Variants in GBE1 observed in about 807,000 individuals in gnomAD.
GBE1 encodes 1,4-alpha-glucan branching enzyme 1, also known as 1,4-alpha-glucan-branching enzyme.
A neutral mutation model predicts 88.8 loss-of-function variants in GBE1; 70 were observed. The observed-to-expected ratio is 0.79, with a 90% CI of 0.65 to 0.96. The LOEUF (loss-of-function observed/expected upper bound fraction) is 0.96, where lower values mean the gene tolerates loss of function less well. GBE1 is among the 40% of genes least tolerant of loss of function. The probability of loss-of-function intolerance (pLI) is 0.00; values close to 1 mark genes in which losing one functional copy is unlikely to be tolerated. For missense variants in GBE1, 872 were observed against 871.0 expected, an observed-to-expected ratio of 1.00 and a Z score of -0.01; for synonymous variants, 284 against 300.1, an observed-to-expected ratio of 0.95 and a Z score of 0.56.
chr3:81,707,600 ATAT>A (rs1413938829), intron 1 of GBE1, among the ~76,000 whole-genome samples: 1 of 151,976 alleles, frequency 6.6e-6, no homozygotes, highest in African/African-American at 2.4e-5. Context: ...CAAAGTAAAA[ATAT>A]TATATTAAAA....
intron 3 of GBE1, among the ~76,000 whole-genome samples, chr3:81,655,826 G>T (rs1293054586): frequency 6.6e-6 from 1 of 152,068 alleles, no homozygotes; most frequent in Non-Finnish European, 1.5e-5. Flanking sequence ...AGCCAAATGT[G>T]TGTTTTTAAT....
At chr3:81,674,834 T>C (rs954533354) in intron 2 of GBE1, among the ~76,000 whole-genome samples, 2 of 151,944 alleles carry the variant, frequency 1.3e-5, no homozygotes, top group East Asian at 1.9e-4. Flanking sequence ...TGCAAAGAGT[T>C]TGCATTGCTA....
chr3:81,726,743 G>A (rs576058832), intron 1 of GBE1, among the ~76,000 whole-genome samples: 1 of 151,886 alleles, frequency 6.6e-6, no homozygotes, highest in Non-Finnish European at 1.5e-5. Flanking sequence ...CACCATGCCT[G>A]GCTAATTTTT....
intron 7 of GBE1, among the ~76,000 whole-genome samples, chr3:81,594,533 T>G (rs2106958039): frequency 6.6e-6 from 1 of 152,128 alleles, no homozygotes; most frequent in East Asian, 1.9e-4. Context: ...TATTTCCTCA[T>G]GCTACAATTT....
At chr3:81,503,808 T>A (rs947761006) in intron 14 of GBE1, among the ~76,000 whole-genome samples, 1 of 152,192 alleles carries the variant, frequency 6.6e-6, no homozygotes, top group Non-Finnish European at 1.5e-5. Flanking sequence ...TCTTGTTTAT[T>A]TCTCAGGTTG....
chr3:81,547,556 A>T (rs2106888094), intron 12 of GBE1, among the ~76,000 whole-genome samples: 1 of 151,098 alleles, frequency 6.6e-6, no homozygotes, highest in African/African-American at 2.4e-5. Context: ...AGGGCAAGGG[A>T]ACCCAGAAGC....
intron 7 of GBE1, among the ~76,000 whole-genome samples, chr3:81,619,431 T>A (rs1279659380): frequency 2.0e-5 from 3 of 152,134 alleles, no homozygotes; most frequent in Non-Finnish European, 4.4e-5. Flanking sequence ...ATATTAAGGG[T>A]ACAACTATAG....
At chr3:81,557,974 C>T (rs1703369830) in intron 12 of GBE1, among the ~76,000 whole-genome samples, 1 of 151,936 alleles carries the variant, frequency 6.6e-6, no homozygotes, top group Non-Finnish European at 1.5e-5. Context: ...ATCTTGGAAA[C>T]CAAAGTTCCT....
At chr3:81,663,751 C>T (rs1391501132) in intron 3 of GBE1, among the ~76,000 whole-genome samples, 1 of 152,166 alleles carries the variant, frequency 6.6e-6, no homozygotes, top group Non-Finnish European at 1.5e-5. Context: ...AACATTCACC[C>T]CCAGGCACTG....
intron 1 of GBE1, among the ~76,000 whole-genome samples, chr3:81,754,030 C>T (rs1477548786): frequency 6.6e-6 from 1 of 152,120 alleles, no homozygotes; most frequent in African/African-American, 2.4e-5. Context: ...GCCTTGTTTG[C>T]AGACAACATG....
At chr3:81,528,651 T>C (rs1171682111) in intron 14 of GBE1, among the ~76,000 whole-genome samples, 1 of 152,074 alleles carries the variant, frequency 6.6e-6, no homozygotes, top group Non-Finnish European at 1.5e-5. Flanking sequence ...TTTATATATA[T>C]GGATGCTCCA....
intron 2 of GBE1, among the ~76,000 whole-genome samples, chr3:81,685,619 C>T (rs558760362): frequency 2.8e-4 from 43 of 152,134 alleles, no homozygotes; most frequent in Non-Finnish European, 5.9e-5. Flanking sequence ...TGATCTCAGG[C>T]GATCCATCTG....
intron 2 of GBE1, among the ~76,000 whole-genome samples, chr3:81,683,827 C>A (rs922936767): frequency 6.6e-6 from 1 of 152,092 alleles, no homozygotes; most frequent in Non-Finnish European, 1.5e-5. Context: ...TTTCCATATA[C>A]ATTTCATATA....
At chr3:81,505,003 C>T (rs759797166) in intron 14 of GBE1, among the ~76,000 whole-genome samples, 16 of 152,054 alleles carry the variant, frequency 1.1e-4, no homozygotes, top group African/African-American at 2.7e-4. Context: ...GATGGCAGAG[C>T]GGGTAAGTTA....
intron 7 of GBE1, among the ~76,000 whole-genome samples, chr3:81,628,520 CA>C (rs1249497201): frequency 2.0e-5 from 3 of 151,768 alleles, no homozygotes; most frequent in Non-Finnish European, 4.4e-5. Flanking sequence ...CAGAGTTAGG[CA>C]AAATGCCAAA....
At chr3:81,719,808 A>T (rs1007291403) in intron 1 of GBE1, among the ~76,000 whole-genome samples, 2 of 152,090 alleles carry the variant, frequency 1.3e-5, no homozygotes, top group African/African-American at 4.8e-5. Flanking sequence ...ACAAACACTA[A>T]TTTTTTTACC....
At chr3:81,591,810 T>C (rs1253061994) in intron 8 of GBE1, among the ~76,000 whole-genome samples, 1 of 152,144 alleles carries the variant, frequency 6.6e-6, no homozygotes, top group Non-Finnish European at 1.5e-5. Flanking sequence ...TTGTGCTCAA[T>C]ATCAGCCTTT....
intron 7 of GBE1, among the ~76,000 whole-genome samples, chr3:81,595,127 TAAA>T (rs1177322179): frequency 1.5e-5 from 2 of 136,146 alleles, no homozygotes; most frequent in Admixed American, 1.5e-4. Flanking sequence ...TTTACTAAGT[TAAA>T]AAAAAAAAAA....
intron 15 of GBE1, among the ~76,000 whole-genome samples, chr3:81,496,584 G>A (rs745709441): frequency 1.4e-4 from 21 of 152,188 alleles, no homozygotes; most frequent in Non-Finnish European, 2.4e-4. Flanking sequence ...CTCACTGGAA[G>A]TGGTATAAGA....
Sources: gnomAD v4.1 joint callset for allele counts (sites outside exome capture counted in the v4.1 genomes callset) on GRCh38, gnomAD v4.1.1 for gene constraint, MANE v1.5 for transcripts, NCBI Gene and HGNC (gene_info 2026-07-23, HGNC 2026-07-21) for gene names.